Variants in ADCY5 observed in about 807,000 individuals in gnomAD.
The protein encoded by ADCY5 is adenylate cyclase 5, also known as adenylate cyclase type 5.
ADCY5 carries 30 observed loss-of-function variants against 119.7 expected under a neutral mutation model. That is an observed-to-expected ratio of 0.25 (90% CI 0.19 to 0.34). The LOEUF is 0.34. ADCY5 is among the 10% of genes least tolerant of loss of function. The pLI is 1.00. For synonymous variants in ADCY5, 753 were observed against 762.2 expected, an observed-to-expected ratio of 0.99 and a Z score of 0.20; for missense variants, 1,324 against 1,775.2, an observed-to-expected ratio of 0.75 and a Z score of 4.57.
chr3:123,290,596 A>G (rs570748785), intron 18 of ADCY5, among the ~76,000 whole-genome samples: 2 of 152,354 alleles, frequency 1.3e-5, no homozygotes, highest in South Asian at 4.1e-4. Context: ...TATGAGAAGG[A>G]AATGAAGGAA....
rs115409059 is a variant in ADCY5 at position 123,301,286 on chromosome 3, G to A, written c.2725-991C>T. Reference sequence around the variant, plus strand: ...CTGGGCTGGGGCAGCCCCTAGGGCAGACCCTCAGCCTCCTCAGGCCTTCTG... The same window carrying A: ...CTGGGCTGGGGCAGCCCCTAGGGCAAACCCTCAGCCTCCTCAGGCCTTCTG... On this transcript the variant is annotated intron_variant, in intron 14 of 20. Coordinates refer to ENST00000462833, the MANE Select transcript of ADCY5 (RefSeq NM_183357.3). Among the ~76,000 whole-genome samples the A allele has an allele frequency of 2.7e-3, 411 of 152,336 alleles. 4 individuals carry two copies. The highest frequency in any genetic ancestry group is 9.2e-3 in the African/African-American group (381 of 41,592).
At chr3:123,393,564 T>TTAAAATAAAATAAAACAAAA (rs1944455943) in intron 1 of ADCY5, among the ~76,000 whole-genome samples, 1 of 143,436 alleles carries the variant, frequency 7.0e-6, no homozygotes, top group African/African-American at 2.7e-5. Flanking sequence ...TTCTAAAAAA[T>TTAAAATAAAATAAAACAAAA]TAAAATAAAA....
chr3:123,320,408 T>C (rs1941156160), intron 9 of ADCY5, among the ~76,000 whole-genome samples: 1 of 152,194 alleles, frequency 6.6e-6, no homozygotes, highest in Admixed American at 6.5e-5. Flanking sequence ...GAAGAGGGCA[T>C]TGCCTCGGGG....
chr3:123,383,345 C>T (rs936649284), intron 1 of ADCY5, among the ~76,000 whole-genome samples: 1 of 152,214 alleles, frequency 6.6e-6, no homozygotes, highest in African/African-American at 2.4e-5. Context: ...GCCCTCCTCG[C>T]CTCCTCGGGA....
chr3:123,359,014 G>A (rs1943142683), intron 1 of ADCY5, among the ~76,000 whole-genome samples: 1 of 152,190 alleles, frequency 6.6e-6, no homozygotes, highest in Non-Finnish European at 1.5e-5. Context: ...CCTGGGAAAG[G>A]TGCAAGGCAA....
intron 1 of ADCY5, among the ~76,000 whole-genome samples, chr3:123,434,621 T>A (rs1165887821): frequency 6.6e-6 from 1 of 152,228 alleles, no homozygotes; most frequent in East Asian, 1.9e-4. Context: ...TTGAGCCTTT[T>A]GGCTGGTATT....
At chr3:123,338,573 T>C (rs1942132153) in intron 3 of ADCY5, among the ~76,000 whole-genome samples, 1 of 152,244 alleles carries the variant, frequency 6.6e-6, no homozygotes, top group African/African-American at 2.4e-5. Context: ...CTAATTCATC[T>C]ATTAGCTCCC....
intron 1 of ADCY5, among the ~76,000 whole-genome samples, chr3:123,420,813 A>G (rs1254646361): frequency 6.6e-6 from 1 of 152,212 alleles, no homozygotes; most frequent in Non-Finnish European, 1.5e-5. Flanking sequence ...TCTGAAGGCC[A>G]GAAGTCCAAA....
At chr3:123,349,767 C>T (rs759907927) in intron 2 of ADCY5, among the ~76,000 whole-genome samples, 56 of 152,316 alleles carry the variant, frequency 3.7e-4, no homozygotes, top group Non-Finnish European at 7.1e-4. Flanking sequence ...AGCCTGTTGC[C>T]GCCCAGGCCA....
chr3:123,377,064 C>T (rs1216841320), intron 1 of ADCY5, among the ~76,000 whole-genome samples: 2 of 152,200 alleles, frequency 1.3e-5, no homozygotes, highest in Non-Finnish European at 2.9e-5. Flanking sequence ...CACACACACA[C>T]ACCTGTCCAC....
At chr3:123,318,163 G>T (rs774261930) in intron 10 of ADCY5, 46 bp from the exon 11 acceptor site, 16 of 1,483,858 alleles carry the variant, frequency 1.1e-5, no homozygotes, top group Non-Finnish European at 1.4e-5. Context: ...TACCTGGCCC[G>T]GTCTGCTCCA....
chr3:123,355,588 G>T (rs1334508769), intron 1 of ADCY5, among the ~76,000 whole-genome samples: 1 of 151,534 alleles, frequency 6.6e-6, no homozygotes, highest in South Asian at 2.1e-4. Context: ...AGAGGGCTGA[G>T]TGCACCATTT....
chr3:123,416,116 A>G, intron 1 of ADCY5: 1 of 1,520,052 alleles, frequency 6.6e-7, no homozygotes, highest in Non-Finnish European at 8.8e-7. Flanking sequence ...GTGGAAGGGC[A>G]AAGGAGAAGG....
chr3:123,336,229 C>T (rs2108431075), intron 3 of ADCY5, among the ~76,000 whole-genome samples: 1 of 152,350 alleles, frequency 6.6e-6, no homozygotes, highest in Non-Finnish European at 1.5e-5. Context: ...CGCCTCCCTG[C>T]CTCCCAGGCA....
chr3:123,284,794 T>C (rs1000301896), intron 20 of ADCY5, 58 bp from the exon 21 acceptor site: 110 of 1,609,596 alleles, frequency 6.8e-5, no homozygotes, highest in Non-Finnish European at 8.8e-5. Flanking sequence ...CATGAACTGC[T>C]GTGGGGTAGA....
rs1368874038 is a variant in ADCY5, at chr3:123,319,662, A to C, written c.2256+12T>G. ...CAGCACAGGGGCCTCCTTCCCACCC[A>C]GGGTGCTGTACCTTCTTCTCTAAGT... On this transcript the variant is annotated intron_variant, in intron 10 of 20. Transcript: ENST00000462833. 2 of 1,613,202 alleles carry C rather than the reference A, an allele frequency of 1.2e-6. No homozygotes were observed. The highest frequency in any genetic ancestry group is 1.7e-5 in the Admixed American group (1 of 59,998).
At chr3:123,383,140 G>A (rs889628944) in intron 1 of ADCY5, among the ~76,000 whole-genome samples, 1 of 152,044 alleles carries the variant, frequency 6.6e-6, no homozygotes, top group Non-Finnish European at 1.5e-5. Context: ...GCCCCGTCCT[G>A]GTAGGGGTGA....
At chr3:123,436,253 G>C (rs1945614234) in intron 1 of ADCY5, among the ~76,000 whole-genome samples, 1 of 151,924 alleles carries the variant, frequency 6.6e-6, no homozygotes, top group Admixed American at 6.6e-5. Context: ...TGCACCTGTA[G>C]TCCCAGCTAC....
At chr3:123,350,576 C>G (rs1942789046) in intron 2 of ADCY5, among the ~76,000 whole-genome samples, 1 of 152,198 alleles carries the variant, frequency 6.6e-6, no homozygotes, top group South Asian at 2.1e-4. Context: ...CGCTGAGGAA[C>G]AATTCTGAGC....
Sources: allele counts gnomAD v4.1 joint callset (sites outside exome capture counted in the v4.1 genomes callset), GRCh38; gene constraint gnomAD v4.1.1; transcripts MANE v1.5; gene names NCBI Gene and HGNC (gene_info 2026-07-23, HGNC 2026-07-21).